The following OTOF variants were observed in gnomAD, a reference collection of about 807,000 sequenced individuals.
OTOF encodes the protein fer-1-like family member 2.
In OTOF, 218 loss-of-function variants were observed where a neutral mutation model predicts 236.8. That is an observed-to-expected ratio of 0.92 (90% CI 0.82 to 1.03). The LOEUF is 1.03. OTOF is among the 50% of genes least tolerant of loss of function. The pLI, the probability that OTOF is intolerant of heterozygous loss-of-function variation, is 0.00. For synonymous variants in OTOF, 1,041 were observed against 1,072.5 expected, an observed-to-expected ratio of 0.97 and a Z score of 0.57; for missense variants, 2,590 against 2,694.4, an observed-to-expected ratio of 0.96 and a Z score of 0.86.
intron 25 of OTOF, 59 bp downstream of exon 25, chr2:26,475,300 A>G: frequency 1.9e-6 from 3 of 1,595,344 alleles, no homozygotes; most frequent in African/African-American, 1.3e-5. Flanking sequence ...GGTGGAGTGC[A>G]GGGAACAAGG....
chr2:26,508,071 G>C (rs960303553), intron 5 of OTOF, among the ~76,000 whole-genome samples: 3 of 152,106 alleles, frequency 2.0e-5, no homozygotes, highest in Non-Finnish European at 2.9e-5. Flanking sequence ...AGCTAATAGA[G>C]ACCTGACCAT....
chr2:26,466,326 G>A (rs1572409018), intron 36 of OTOF: 3 of 572,164 alleles, frequency 5.2e-6, no homozygotes, highest in Non-Finnish European at 9.3e-6. Flanking sequence ...CTGTCAGTAT[G>A]CAGCTTCTTC....
rs143889717 is a variant in OTOF, at chr2:26,464,040, C to T, written c.5027G>A (p.Arg1676His). Residue 1676 changes from arginine to histidine, a missense_variant, in exon 40 of 47, where the codon CGC becomes CAC. Physicochemically the swap from Arg to His is conservative, Grantham distance 29. Around this residue, in one of 2 missense-constraint regions of OTOF, gnomAD observed 1,211 missense variants for 1,352.8 expected, o/e 0.90. Transcript: ENST00000272371. ...CTCTGGCACCAGGCGGCAGCCTGCG[C>T]GGGGGATGTCCTCCCAGTGCCTCAG... ...LALRHWEDIP[R>H]AGCRLVPEHV... 15 of 1,613,594 alleles carry T rather than the reference C, an allele frequency of 9.3e-6. No homozygotes were observed. Among genetic ancestry groups the T allele is most frequent in the African/African-American group, 5.3e-5 (4 of 74,946 alleles).
intron 2 of OTOF, among the ~76,000 whole-genome samples, chr2:26,536,889 G>A (rs1319304578): frequency 2.0e-5 from 3 of 152,200 alleles, no homozygotes; most frequent in Non-Finnish European, 4.4e-5. Context: ...ATAGACGAAA[G>A]AATGTGAGGA....
intron 9 of OTOF, among the ~76,000 whole-genome samples, chr2:26,492,735 G>C (rs1665880115): frequency 6.6e-6 from 1 of 152,236 alleles, no homozygotes; most frequent in South Asian, 2.1e-4. Flanking sequence ...CAGCAGGACA[G>C]AGACACGGAG....
rs1216361562 is a variant in OTOF, at chr2:26,461,259, G to A, written c.5534-229C>T. Reference sequence around the variant, plus strand: ...ACTCAGGTCCTTCTTTCACCCCAGAGGGTCTCTCCTGGGGTCTCCCCTGCC... The same window carrying A: ...ACTCAGGTCCTTCTTTCACCCCAGAAGGTCTCTCCTGGGGTCTCCCCTGCC... On this transcript the variant is annotated intron_variant, in intron 43 of 46. Coordinates refer to ENST00000272371, the MANE Select transcript of OTOF (RefSeq NM_194248.3). The surrounding 1 kb of genome is among the most constrained non-coding windows in gnomAD (Gnocchi z 6.2). 6.6e-6 allele frequency among the ~76,000 whole-genome samples: 1 copy of A among 152,192 alleles called. No individual in the cohort carries two copies. The highest frequency in any genetic ancestry group is 1.5e-5 in the Non-Finnish European group (1 of 68,012).
rs148532589 is a variant in OTOF at position 26,477,448 on chromosome 2, G to A, written c.2374C>T (p.Arg792Trp). The A allele has an allele frequency of 1.0e-3, 1,656 of 1,600,288 alleles. 4 individuals carry two copies. The highest frequency in any genetic ancestry group is 5.5e-3 in the Middle Eastern group (33 of 6,020). ...QGHSSRTRLD[R>W]ERLKSCMREL... ...CTCATGCAGGACTTGAGGCGCTCCC[G>A]GTCAAGCCTGGTGCGGGATGAGTGG... is the stretch of plus-strand genomic sequence containing the variant. Residue 792 changes from arginine to tryptophan, a missense_variant, in exon 20 of 47, where the codon CGG becomes TGG. By Grantham distance (101) the Arg-to-Trp change is moderately radical. Coordinates refer to ENST00000272371, the MANE Select transcript of OTOF (RefSeq NM_194248.3). The surrounding 1 kb of genome is among the most constrained non-coding windows in gnomAD (Gnocchi z 4.7).
chr2:26,521,748 G>T (rs1345565739), intron 3 of OTOF, among the ~76,000 whole-genome samples: 2 of 152,254 alleles, frequency 1.3e-5, no homozygotes, highest in East Asian at 1.9e-4. Flanking sequence ...GGTGTAGACA[G>T]TGAGGAGCCT....
chr2:26,553,591 G>A (rs971854227), intron 1 of OTOF, among the ~76,000 whole-genome samples: 6 of 152,152 alleles, frequency 3.9e-5, no homozygotes, highest in Non-Finnish European at 5.9e-5. Context: ...ACGTGTGGTC[G>A]CAGTAAGGCT....
chr2:26,530,245 C>A (rs578102941), intron 2 of OTOF, among the ~76,000 whole-genome samples: 1 of 151,532 alleles, frequency 6.6e-6, no homozygotes, highest in Non-Finnish European at 1.5e-5. Context: ...TGAACGGTGG[C>A]GGGAGGCTGA....
Position 26,519,041 on chromosome 2 carries a change from G to T in OTOF, c.296C>A (p.Thr99Lys). The T allele has an allele frequency of 6.2e-7, 1 of 1,610,062 alleles. No individual in the cohort carries two copies. Among genetic ancestry groups the T allele is most frequent in the Non-Finnish European group, 8.5e-7 (1 of 1,177,754 alleles). Residue 99 changes from threonine (T) to lysine (K), a missense_variant, in exon 4 of 47, where the codon ACG becomes AAG. Thr to Lys is a moderately conservative substitution (Grantham distance 78). Coordinates refer to ENST00000272371, the MANE Select transcript of OTOF (RefSeq NM_194248.3). Reference protein sequence around the residue: ...VEESHVEVTDTLIDDNNAIIK... With the variant: ...VEESHVEVTDKLIDDNNAIIK... The stretch of plus-strand genomic sequence containing the variant: ...GATAGCATTGTTGTCATCAATCAGC[G>T]TGTCAGTCACCTCCACATGGCTCTC...
At position 26,465,681 on chromosome 2, in the gene OTOF, G is replaced by A. The variant is rs769398304; in HGVS notation, c.4790C>T (p.Thr1597Ile). ...CCCATGCCCCACATACGTGGAGTAG[G>A]TCTGGGCGATGCCGCAGGTGGCGCG... ...KHRATCGIAQ[T>I]YSTHGYNIWR... Residue 1597 changes from threonine to isoleucine, a missense_variant, in exon 38 of 47, where the codon ACC becomes ATC. By Grantham distance (89) the Thr-to-Ile change is moderately conservative. Coordinates refer to ENST00000272371, the MANE Select transcript of OTOF (RefSeq NM_194248.3). 27 of 1,614,156 alleles carry A rather than the reference G, an allele frequency of 1.7e-5. No homozygotes were observed. In the Admixed American group the frequency reaches 3.2e-4, roughly 19 times the overall value.
intron 1 of OTOF, among the ~76,000 whole-genome samples, chr2:26,540,318 T>A (rs897934605): frequency 6.6e-6 from 1 of 151,608 alleles, no homozygotes; most frequent in South Asian, 2.1e-4. Flanking sequence ...TATTTGGGGG[T>A]GAGTTTGGGT....
At chr2:26,524,569 A>T (rs955965891) in intron 3 of OTOF, among the ~76,000 whole-genome samples, 6 of 152,340 alleles carry the variant, frequency 3.9e-5, no homozygotes, top group African/African-American at 1.4e-4. Flanking sequence ...TATTCACTGC[A>T]TGGGAGTCAA....
In OTOF at chr2:26,482,533, A is replaced by G; in HGVS notation, c.1452T>C (p.Phe484=). The G allele has an allele frequency of 6.2e-7, 1 of 1,613,402 alleles. No homozygotes were observed. The highest frequency in any genetic ancestry group is 8.5e-7 in the Non-Finnish European group (1 of 1,179,998). ...TGCAGAGTGGGGGGAAGAGGTCTGT[A>G]AAGACGACCTGCTCATTCCACAGGG... ...YEPLWNEQVV[F]TDLFPPLCKR... is the part of the protein sequence containing the mutation. The change falls in exon 14 of 47, where the codon TTT becomes TTC. Residue 484 remains phenylalanine (F), a synonymous_variant. Transcript: ENST00000272371.
chr2:26,503,646 G>A (rs146822717), intron 6 of OTOF, 126 bp downstream of exon 6: 60 of 821,278 alleles, frequency 7.3e-5, no homozygotes, highest in Non-Finnish European at 1.2e-4. Context: ...ACGCATCACT[G>A]GGTGGGGCCT....
intron 3 of OTOF, among the ~76,000 whole-genome samples, chr2:26,522,858 C>T (rs924878025): frequency 1.3e-5 from 2 of 152,198 alleles, no homozygotes; most frequent in Non-Finnish European, 2.9e-5. Flanking sequence ...GACTACTTGC[C>T]TTACAGGGCC....
At chr2:26,521,068 C>T (rs893369894) in intron 3 of OTOF, among the ~76,000 whole-genome samples, 8 of 152,190 alleles carry the variant, frequency 5.3e-5, no homozygotes, top group African/African-American at 1.9e-4. Flanking sequence ...CTGGGTCCAC[C>T]GGACTTCAGT....
In OTOF at chr2:26,484,494, G is replaced by T. The variant is rs61739877; in HGVS notation, c.1185C>A (p.Thr395=). The part of the protein sequence containing the change: ...NIKTPHKANE[T]DEDDIEGNLL... ...CTCACCCCTCAATGTCATCTTCGTCGGTCTCATTGGCCTTGTGGGGCGTCT... is the reference window on the plus strand; with the variant it reads ...CTCACCCCTCAATGTCATCTTCGTCTGTCTCATTGGCCTTGTGGGGCGTCT... The change falls in exon 12 of 47, where the codon ACC becomes ACA. Residue 395 remains threonine, a synonymous_variant. Transcript: ENST00000272371. 1.8e-4 allele frequency: 289 copies of T among 1,614,028 alleles called. 3 individuals are homozygous for T. The South Asian group carries it at 3.0e-3, about 17-fold the overall frequency.
Sources: allele counts gnomAD v4.1 joint callset (sites outside exome capture counted in the v4.1 genomes callset), GRCh38; gene constraint gnomAD v4.1.1; regional missense constraint gnomAD v4.1.1; non-coding constraint Gnocchi (gnomAD v3.1); transcripts MANE v1.5; gene names NCBI Gene and HGNC (gene_info 2026-07-23, HGNC 2026-07-21).